The following CTBP2 variants were observed in gnomAD, a reference collection of about 807,000 sequenced individuals.
CTBP2 encodes the protein C-terminal-binding protein 2.
Under a neutral mutation model 80.3 loss-of-function variants are expected in CTBP2, and 30 were observed. The observed-to-expected ratio is 0.37, with a 90% confidence interval of 0.28 to 0.51. The LOEUF (loss-of-function observed/expected upper bound fraction) is 0.51, where lower values mean the gene tolerates loss of function less well. Among genes scored for constraint, CTBP2 ranks in the 20% least tolerant of loss-of-function variants. The pLI is 0.93. For synonymous variants in CTBP2, 594 were observed against 587.4 expected (o/e 1.01, Z -0.16); for missense variants, 1,212 against 1,375.3 (o/e 0.88, Z 1.88).
chr10:125,061,469 C>A (rs1964961669), intron 2 of CTBP2, among the ~76,000 whole-genome samples: 1 of 152,198 alleles, frequency 6.6e-6, no homozygotes, highest in African/African-American at 2.4e-5. Flanking sequence ...ACAGGCCCTG[C>A]AGCGCCAGGA....
intron 1 of CTBP2, among the ~76,000 whole-genome samples, chr10:125,114,723 C>A (rs1015283764): frequency 5.3e-5 from 8 of 152,234 alleles, no homozygotes; most frequent in Middle Eastern, 3.4e-3. Flanking sequence ...ACTGGGCCTG[C>A]CTTCACTTGA....
At chr10:125,113,946 G>A (rs2135954407) in intron 1 of CTBP2, among the ~76,000 whole-genome samples, 1 of 152,284 alleles carries the variant, frequency 6.6e-6, no homozygotes, top group Non-Finnish European at 1.5e-5. Flanking sequence ...TAAAGCAAGT[G>A]CTCGTTGTTA....
intron 1 of CTBP2, among the ~76,000 whole-genome samples, chr10:125,023,102 GC>G (rs1957215542): frequency 6.6e-6 from 1 of 152,174 alleles, no homozygotes; most frequent in African/African-American, 2.4e-5. Context: ...CTCCTCAACA[GC>G]CCCTCCACAC....
intron 2 of CTBP2, among the ~76,000 whole-genome samples, chr10:125,056,611 C>G (rs1963991616): frequency 6.6e-6 from 1 of 152,234 alleles, no homozygotes; most frequent in South Asian, 2.1e-4. Flanking sequence ...CCGCCAGCCC[C>G]ACAGCTGCTC....
chr10:125,016,350 C>G (rs1476354522), intron 1 of CTBP2, among the ~76,000 whole-genome samples: 1 of 152,234 alleles, frequency 6.6e-6, no homozygotes, highest in Non-Finnish European at 1.5e-5. Flanking sequence ...GGACCAGGAG[C>G]CCTCTGGATG....
At chr10:124,995,256 A>G (rs1953314568) in intron 4 of CTBP2, among the ~76,000 whole-genome samples, 1 of 152,222 alleles carries the variant, frequency 6.6e-6, no homozygotes, top group African/African-American at 2.4e-5. Flanking sequence ...CATGACCATC[A>G]GACCTGGACC....
chr10:125,051,074 C>T (rs1329397639), intron 2 of CTBP2, among the ~76,000 whole-genome samples: 1 of 152,138 alleles, frequency 6.6e-6, no homozygotes, highest in Non-Finnish European at 1.5e-5. Context: ...AAGGTAATGG[C>T]CATTTAAAAA....
intron 2 of CTBP2, among the ~76,000 whole-genome samples, chr10:125,065,378 C>T (rs1258013774): frequency 6.6e-6 from 1 of 152,148 alleles, no homozygotes; most frequent in African/African-American, 2.4e-5. Context: ...AAATTGAAAA[C>T]AACCCAAGGA....
At chr10:125,026,045 A>G (rs763862390) in intron 1 of CTBP2, 55 of 1,532,778 alleles carry the variant, frequency 3.6e-5, no homozygotes, top group Non-Finnish European at 4.3e-5. Context: ...TGCTCCCCCC[A>G]GGTCCCCAGG....
intron 2 of CTBP2, among the ~76,000 whole-genome samples, chr10:125,097,323 CAAATT>C (rs1240038380): frequency 1.3e-5 from 2 of 152,344 alleles, no homozygotes; most frequent in East Asian, 3.9e-4. Context: ...TTACTAGTCT[CAAATT>C]AAACTGCTCC....
At chr10:125,063,946 G>A (rs960961190) in intron 2 of CTBP2, among the ~76,000 whole-genome samples, 15 of 151,938 alleles carry the variant, frequency 9.9e-5, no homozygotes, top group African/African-American at 3.6e-4. Context: ...ACCTTCCAGG[G>A]GTGCTCTCTG....
chr10:125,023,872 G>A (rs913287746), intron 1 of CTBP2, among the ~76,000 whole-genome samples: 2 of 152,280 alleles, frequency 1.3e-5, no homozygotes, highest in South Asian at 2.1e-4. Flanking sequence ...GTGCAACACC[G>A]CCCATCCCGA....
At chr10:125,135,342 C>T (rs1475384) in intron 1 of CTBP2, among the ~76,000 whole-genome samples, 127,129 of 152,128 alleles carry the variant, frequency 0.84, 53,187 homozygotes, top group Middle Eastern at 0.92. Context: ...CTGAGGGCTC[C>T]GAAAAAAATG....
intron 1 of CTBP2, among the ~76,000 whole-genome samples, chr10:125,009,728 G>C (rs966469366): frequency 1.3e-5 from 2 of 152,176 alleles, no homozygotes; most frequent in Admixed American, 1.3e-4. Flanking sequence ...AGATTCTGAT[G>C]CTGGGACGTA....
At chr10:125,146,514 C>T (rs555389885) in intron 1 of CTBP2, among the ~76,000 whole-genome samples, 2 of 152,068 alleles carry the variant, frequency 1.3e-5, no homozygotes, top group Non-Finnish European at 2.9e-5. Flanking sequence ...AACTCCTGAT[C>T]TTAGGTGATC....
upstream of CTBP2, among the ~76,000 whole-genome samples, chr10:125,032,464 C>T (rs1039615117): frequency 1.3e-5 from 2 of 152,142 alleles, no homozygotes; most frequent in South Asian, 2.1e-4. Context: ...GCTGGCTCAG[C>T]GAGCCCTCCC....
At chr10:125,005,422 C>T in intron 1 of CTBP2, 3 of 932,828 alleles carry the variant, frequency 3.2e-6, no homozygotes, top group South Asian at 3.4e-5. Flanking sequence ...GCTGCCCCGA[C>T]ACCCAGGTCC....
chr10:125,029,675 C>T (rs72830857), upstream of CTBP2, among the ~76,000 whole-genome samples: 13,108 of 152,276 alleles, frequency 0.086, 763 homozygotes, highest in Admixed American at 0.17. Context: ...ATGCACACCC[C>T]TCAAAGATGG....
upstream of CTBP2, among the ~76,000 whole-genome samples, chr10:125,028,184 C>A (rs1310687550): frequency 1.3e-5 from 2 of 152,160 alleles, no homozygotes; most frequent in Non-Finnish European, 2.9e-5. Flanking sequence ...CTCTATCCAG[C>A]CCTCCCAAGC....
Sources: gnomAD v4.1 joint callset for allele counts (sites outside exome capture counted in the v4.1 genomes callset) on GRCh38, gnomAD v4.1.1 for gene constraint, MANE v1.5 for transcripts, NCBI Gene and HGNC (gene_info 2026-07-23, HGNC 2026-07-21) for gene names.